The following AFF3 variants were observed in gnomAD, a reference collection of about 807,000 sequenced individuals.
The protein encoded by AFF3 is AF4/FMR2 family member 3.
In AFF3, 32 loss-of-function variants were observed where a neutral mutation model predicts 129.7. The ratio of observed to expected loss-of-function variants is 0.25; its 90% CI spans 0.19 to 0.33. The LOEUF (loss-of-function observed/expected upper bound fraction) is 0.33, where lower values mean the gene tolerates loss of function less well. AFF3 is among the 10% of genes least tolerant of loss of function. AFF3 has a pLI of 1.00. For missense variants in AFF3, 1,373 were observed against 1,592.0 expected (o/e 0.86, Z 2.34); for synonymous variants, 644 against 635.4 (o/e 1.01, Z -0.20).
intron 7 of AFF3, among the ~76,000 whole-genome samples, chr2:99,947,027 T>C (rs1381754674): frequency 3.3e-5 from 5 of 152,232 alleles, no homozygotes; most frequent in Non-Finnish European, 5.9e-5. Flanking sequence ...TTTGATTCGG[T>C]CGTTCATTAG....
At chr2:99,841,833 C>T (rs925977644) in intron 7 of AFF3, among the ~76,000 whole-genome samples, 2 of 152,210 alleles carry the variant, frequency 1.3e-5, no homozygotes, top group Non-Finnish European at 2.9e-5. Flanking sequence ...TCTCTACTAT[C>T]TCATGCTGTC....
intron 8 of AFF3, among the ~76,000 whole-genome samples, chr2:99,815,418 T>C (rs1576071385): frequency 6.6e-6 from 1 of 152,364 alleles, no homozygotes; most frequent in African/African-American, 2.4e-5. Context: ...TGCATTTTAA[T>C]GAGCAAATAG....
chr2:99,811,429 T>C (rs1686781420), intron 8 of AFF3, among the ~76,000 whole-genome samples: 2 of 152,066 alleles, frequency 1.3e-5, no homozygotes, highest in Admixed American at 6.5e-5. Flanking sequence ...GGTTTTTTTT[T>C]CCCTTAAGGA....
At chr2:99,741,543 C>T (rs1680721775) in intron 10 of AFF3, among the ~76,000 whole-genome samples, 1 of 152,184 alleles carries the variant, frequency 6.6e-6, no homozygotes, top group Non-Finnish European at 1.5e-5. Context: ...AGGAGAACTA[C>T]AAGCCACTGC....
intron 8 of AFF3, among the ~76,000 whole-genome samples, chr2:99,804,020 T>C (rs954306991): frequency 1.8e-4 from 27 of 152,292 alleles, no homozygotes; most frequent in African/African-American, 6.0e-4. Context: ...GATACTGGCC[T>C]AGGCAAAGAA....
intron 2 of AFF3, among the ~76,000 whole-genome samples, chr2:100,116,622 A>G (rs1441566908): frequency 6.6e-6 from 1 of 152,208 alleles, no homozygotes; most frequent in African/African-American, 2.4e-5. Context: ...CAAGGACCTT[A>G]GAACTTTTTA....
intron 4 of AFF3, among the ~76,000 whole-genome samples, chr2:100,045,677 C>A (rs932770087): frequency 6.6e-6 from 1 of 151,998 alleles, no homozygotes; most frequent in African/African-American, 2.4e-5. Context: ...CAAGCCCAAC[C>A]CTTCTTCTTC....
At chr2:100,100,766 T>G (rs913375343) in intron 4 of AFF3, among the ~76,000 whole-genome samples, 17 of 152,322 alleles carry the variant, frequency 1.1e-4, no homozygotes, top group African/African-American at 3.8e-4. Context: ...AAGCAACAGT[T>G]AGCCTGTTAA....
chr2:100,113,663 A>G (rs1019167460), intron 2 of AFF3, among the ~76,000 whole-genome samples: 3 of 152,202 alleles, frequency 2.0e-5, no homozygotes, highest in African/African-American at 7.2e-5. Flanking sequence ...AGCAAAAGAA[A>G]GTGGATGATG....
intron 11 of AFF3, among the ~76,000 whole-genome samples, chr2:99,688,261 A>C (rs1277276608): frequency 1.3e-5 from 2 of 152,146 alleles, no homozygotes; most frequent in East Asian, 3.9e-4. Flanking sequence ...TGGTGCAGGC[A>C]CTCTGTACAT....
At chr2:99,948,482 G>T (rs570206482) in intron 7 of AFF3, among the ~76,000 whole-genome samples, 2 of 152,138 alleles carry the variant, frequency 1.3e-5, no homozygotes, top group African/African-American at 4.8e-5. Flanking sequence ...AATTTTCTTT[G>T]ATGTTTTATT....
chr2:100,121,209 T>C (rs1691950617), intron 2 of AFF3, among the ~76,000 whole-genome samples: 1 of 152,074 alleles, frequency 6.6e-6, no homozygotes, highest in Admixed American at 6.5e-5. Flanking sequence ...CCACCCATGG[T>C]CCACCCTGCC....
chr2:99,807,102 A>G (rs1227377520), intron 8 of AFF3, among the ~76,000 whole-genome samples: 1 of 152,210 alleles, frequency 6.6e-6, no homozygotes, highest in East Asian at 1.9e-4. Flanking sequence ...TATCCCTTGC[A>G]TTCATCAACA....
At chr2:99,551,981 A>G (rs928672837) in intron 24 of AFF3, among the ~76,000 whole-genome samples, 2 of 152,116 alleles carry the variant, frequency 1.3e-5, no homozygotes, top group Non-Finnish European at 1.5e-5. Flanking sequence ...AGTGAGTCCA[A>G]GGGGTGAGGC....
At chr2:99,927,412 A>G (rs879235882) in intron 7 of AFF3, among the ~76,000 whole-genome samples, 1 of 152,178 alleles carries the variant, frequency 6.6e-6, no homozygotes, top group East Asian at 1.9e-4. Flanking sequence ...AAAGAATGAG[A>G]TCGTGCCCTG....
At position 99,945,420 on chromosome 2, in the gene AFF3, T is replaced by A. The variant is rs912082974; in HGVS notation, c.873+61212A>T. On this transcript the variant is annotated intron_variant, in intron 7 of 24. Coordinates refer to ENST00000672756, the MANE Select transcript of AFF3 (RefSeq NM_001386135.1). ...AGAGCCTCCCTGGGTCTCCCAGTTC[T>A]CATCACACTTTCTCACCTATGAGGG... 7.9e-5 allele frequency among the ~76,000 whole-genome samples: 12 copies of A among 152,344 alleles called. No homozygotes were observed. In the East Asian group the frequency reaches 2.1e-3, roughly 27 times the overall value.
intron 7 of AFF3, among the ~76,000 whole-genome samples, chr2:99,979,439 G>T (rs958160376): frequency 5.9e-5 from 9 of 151,924 alleles, no homozygotes; most frequent in Non-Finnish European, 1.2e-4. Flanking sequence ...CAGATTCCAT[G>T]AAAAGGAGAA....
rs765215527 is a variant in AFF3, at chr2:100,140,918, A to ACCTTTCC, written c.-228+1559_-228+1565dup. Reference sequence around the variant, plus strand: ...TTACACACACCACCTCCCACCTTTCACCTTTCCCAAACTCTTACCATGTCC... The same window carrying ACCTTTCC: ...TTACACACACCACCTCCCACCTTTCACCTTTCCCCTTTCCCAAACTCTTACCATGTCC... On this transcript the variant is annotated intron_variant, in intron 1 of 24. Transcript: ENST00000672756. Among the ~76,000 whole-genome samples the ACCTTTCC allele has an allele frequency of 2.0e-5, 3 of 151,870 alleles. No individual in the cohort carries two copies. The South Asian group carries it at 6.3e-4, about 32-fold the overall frequency.
chr2:99,854,636 G>A (rs899446987), intron 7 of AFF3, among the ~76,000 whole-genome samples: 5 of 152,134 alleles, frequency 3.3e-5, no homozygotes, highest in Non-Finnish European at 5.9e-5. Context: ...GTTCTCTAAC[G>A]TGGGGTGCTT....
Sources: allele counts gnomAD v4.1 joint callset (sites outside exome capture counted in the v4.1 genomes callset), GRCh38; gene constraint gnomAD v4.1.1; transcripts MANE v1.5; gene names NCBI Gene and HGNC (gene_info 2026-07-23, HGNC 2026-07-21).